Variants in MDN1 observed in about 807,000 individuals in gnomAD.
MDN1 encodes midasin.
In MDN1, 266 loss-of-function variants were observed where a neutral mutation model predicts 669.2. The observed-to-expected ratio is 0.40, with a 90% CI of 0.36 to 0.44. MDN1 has a LOEUF of 0.44. MDN1 is among the 20% of genes least tolerant of loss of function. The pLI is 1.00. For missense variants in MDN1, 5,940 were observed against 6,754.0 expected (o/e 0.88, Z 4.22); for synonymous variants, 2,385 against 2,457.1 (o/e 0.97, Z 0.87).
In MDN1 at chr6:89,709,042, C is replaced by T. The variant is rs570653952; in HGVS notation, c.7766-414G>A. The stretch of plus-strand genomic sequence containing the variant: ...ATAAATACACCTCACTATCTGTTTT[C>T]ATTAAGAAAACAATGCAGTTTTTTA... On this transcript the variant is annotated intron_variant, in intron 50 of 101. Transcript: ENST00000369393. Among the ~76,000 whole-genome samples the T allele has an allele frequency of 1.4e-4, 21 of 151,234 alleles. 1 individual carries two copies. The South Asian group carries it at 3.6e-3, about 26-fold the overall frequency.
At chr6:89,802,344 T>C (rs1195031883) in intron 2 of MDN1, among the ~76,000 whole-genome samples, 1 of 152,232 alleles carries the variant, frequency 6.6e-6, no homozygotes, top group Non-Finnish European at 1.5e-5. Flanking sequence ...AGCCAAAGTG[T>C]ATTTATTGCA....
Position 89,661,518 on chromosome 6 carries a change from G to T in MDN1, c.14626C>A (p.Pro4876Thr). ...TCATCTGGAAGGTCCAAAGCCTCGG[G>T]TTCTGGCACCTTTTCCTGATTGCCA... ...YHGNQEKVPE[P>T]EALDLPDDLN... is the part of the protein sequence containing the mutation. Residue 4876 changes from proline (P) to threonine (T), a missense_variant, in exon 88 of 102, where the codon CCC (proline) becomes ACC (threonine). Physicochemically the swap from Pro to Thr is conservative, Grantham distance 38. Transcript: ENST00000369393. 2 of 1,614,116 alleles carry T rather than the reference G, an allele frequency of 1.2e-6. No homozygotes were observed. Among genetic ancestry groups the T allele is most frequent in the South Asian group, 2.2e-5 (2 of 91,078 alleles).
chr6:89,715,824 T>C, intron 44 of MDN1, 55 bp from the exon 45 acceptor site: 1 of 1,144,876 alleles, frequency 8.7e-7, no homozygotes, highest in Non-Finnish European at 1.3e-6. Flanking sequence ...TTGACTCTTC[T>C]TTCCTTCCAT....
intron 15 of MDN1, among the ~76,000 whole-genome samples, chr6:89,770,930 G>A (rs1818049367): frequency 6.6e-6 from 1 of 152,098 alleles, no homozygotes. Context: ...TCATTAAAAT[G>A]AAGAGAAACA....
At chr6:89,653,263 A>T in intron 93 of MDN1, 108 bp from the exon 94 acceptor site, 2 of 1,027,908 alleles carry the variant, frequency 1.9e-6, no homozygotes, top group South Asian at 3.4e-5. Flanking sequence ...TCATTCATTC[A>T]CTCTCCAACA....
At position 89,711,936 on chromosome 6, in the gene MDN1, T is replaced by A. The variant is rs376357885; in HGVS notation, c.7651+100A>T. On this transcript the variant is annotated intron_variant, in intron 49 of 101. Coordinates refer to ENST00000369393, the MANE Select transcript of MDN1 (RefSeq NM_014611.3). Reference sequence around the variant, plus strand: ...TCCTAGGAGACCTCCCAACTGTAATTTTAACAGTGTAGTCACAGATTAACA... The same window carrying A: ...TCCTAGGAGACCTCCCAACTGTAATATTAACAGTGTAGTCACAGATTAACA... The A allele has an allele frequency of 1.9e-4, 204 of 1,102,068 alleles. No individual in the cohort carries two copies. In the South Asian group the frequency reaches 3.0e-3, roughly 16 times the overall value. The allele number at this position is 1,102,068 out of a possible 1,614,324, so 68.3% of individuals were successfully genotyped here.
intron 15 of MDN1, among the ~76,000 whole-genome samples, chr6:89,766,654 TA>T (rs1275818371): frequency 6.6e-6 from 1 of 152,224 alleles, no homozygotes; most frequent in African/African-American, 2.4e-5. Flanking sequence ...GAACCACATG[TA>T]AGCATTCATG....
chr6:89,810,965 G>T (rs1562243804), intron 1 of MDN1, among the ~76,000 whole-genome samples: 1 of 152,072 alleles, frequency 6.6e-6, no homozygotes, highest in African/African-American at 2.4e-5. Context: ...CTCAAGCCTG[G>T]GCGAAAGAGA....
chr6:89,750,260 T>C (rs1039270438), intron 24 of MDN1, 94 bp downstream of exon 24: 9 of 1,295,120 alleles, frequency 6.9e-6, no homozygotes, highest in African/African-American at 3.0e-5. Flanking sequence ...CAAAGGTCCA[T>C]GTGCCTCAAT....
intron 1 of MDN1, among the ~76,000 whole-genome samples, chr6:89,803,771 C>G (rs1767821032): frequency 6.6e-6 from 1 of 151,512 alleles, no homozygotes; most frequent in Non-Finnish European, 1.5e-5. Context: ...TTAGTAGAGA[C>G]GGGGTTTCAC....
chr6:89,758,193 C>G (rs1276591974), intron 19 of MDN1, 62 bp downstream of exon 19: 1 of 1,376,596 alleles, frequency 7.3e-7, no homozygotes, highest in Admixed American at 2.0e-5. Flanking sequence ...TGCACTCCAA[C>G]CTGGGCAACA....
At position 89,680,669 on chromosome 6, in the gene MDN1, T is replaced by A; in HGVS notation, c.12185A>T (p.Lys4062Ile). 6.2e-7 allele frequency: 1 copy of A among 1,614,138 alleles called. No homozygotes were observed. The change falls in exon 74 of 102, where the codon AAA (lysine) becomes ATA (isoleucine). Residue 4062 changes from lysine to isoleucine, a missense_variant. Around this residue, in one of 5 missense-constraint regions of MDN1, gnomAD observed 2,280 missense variants for 2,576.3 expected, o/e 0.88. Coordinates refer to ENST00000369393, the MANE Select transcript of MDN1 (RefSeq NM_014611.3). ...CGTCAGGCACATCTTCCTCATGCGT[T>A]TCCTGAGCTTTGGCAAGCGACGCAG... ...ELLRRLPKLR[K>I]RMRKMCLTFM... is the part of the protein sequence containing the mutation.
rs764869819 is a variant in MDN1, at chr6:89,743,645, G to A, written c.4248C>T (p.Cys1416=). Residue 1416 remains cysteine, a synonymous_variant, in exon 30 of 102, where the codon TGC becomes TGT. Transcript: ENST00000369393. ...AGTCTGATGTCTCCATGTGTAAGTG[G>A]CAGCTGACAGAGTATAATTTCTGAT... The part of the protein sequence containing the change: ...LANQKLYSVS[C]HLHMETSDFL... 1 of 1,613,928 alleles carries A rather than the reference G, an allele frequency of 6.2e-7. No homozygotes were observed. The highest frequency in any genetic ancestry group is 1.3e-5 in the African/African-American group (1 of 74,920).
chr6:89,656,621 T>C, intron 91 of MDN1, 79 bp downstream of exon 91: 1 of 1,114,484 alleles, frequency 9.0e-7, no homozygotes, highest in Non-Finnish European at 1.3e-6. Context: ...TTTTTTTTTT[T>C]TTTTTTAAAG....
rs1424833002 is a variant in MDN1, at chr6:89,662,777, A to G, written c.14412+15T>C. 12 of 1,613,434 alleles carry G rather than the reference A, an allele frequency of 7.4e-6. No individual in the cohort carries two copies. The Middle Eastern group carries it at 6.6e-4, about 88-fold the overall frequency. ...CCTCTCAGCTTGTTTGGGAGGGGAG[A>G]AATCTTTGAATTACCTCATCCATTC... is the stretch of plus-strand genomic sequence containing the variant. On this transcript the variant is annotated intron_variant, in intron 86 of 101. Transcript: ENST00000369393.
intron 33 of MDN1, among the ~76,000 whole-genome samples, chr6:89,737,951 T>C (rs955968441): frequency 6.6e-6 from 1 of 152,166 alleles, no homozygotes; most frequent in Non-Finnish European, 1.5e-5. Context: ...CTCGAACTCC[T>C]GACCTCAAGT....
At chr6:89,802,175 C>G (rs938251731) in intron 2 of MDN1, among the ~76,000 whole-genome samples, 2 of 152,018 alleles carry the variant, frequency 1.3e-5, no homozygotes, top group Non-Finnish European at 2.9e-5. Context: ...TCTCAGAGTC[C>G]CGATCTTTAC....
At position 89,729,102 on chromosome 6, in the gene MDN1, T is replaced by G. The variant is rs754077679; in HGVS notation, c.5178A>C (p.Ala1726=). The change falls in exon 36 of 102, where the codon GCA becomes GCC. Residue 1726 remains alanine, a synonymous_variant. Transcript: ENST00000369393. ...VLHRNNIADY[A]LSAGTTAMNA... Reference sequence around the variant, plus strand: ...TCATAGCAGTGGTCCCTGCACTGAGTGCATAGTCTGCAATATTATTCCTGT... The same window carrying G: ...TCATAGCAGTGGTCCCTGCACTGAGGGCATAGTCTGCAATATTATTCCTGT... The G allele has an allele frequency of 2.5e-6, 4 of 1,613,574 alleles. No individual in the cohort carries two copies. The highest frequency in any genetic ancestry group is 3.4e-6 in the Non-Finnish European group (4 of 1,179,986).
chr6:89,775,132 G>A (rs999519919), intron 12 of MDN1, among the ~76,000 whole-genome samples: 9 of 152,120 alleles, frequency 5.9e-5, no homozygotes, highest in Non-Finnish European at 1.5e-5. Flanking sequence ...TCTGACTACA[G>A]CCAAAGCAAA....
Sources: allele counts gnomAD v4.1 joint callset (sites outside exome capture counted in the v4.1 genomes callset), GRCh38; gene constraint gnomAD v4.1.1; regional missense constraint gnomAD v4.1.1; transcripts MANE v1.5; gene names NCBI Gene and HGNC (gene_info 2026-07-23, HGNC 2026-07-21).